Variants in PIGR observed in about 807,000 individuals in gnomAD.
The protein encoded by PIGR is hepatocellular carcinoma associated protein TB6.
PIGR carries 22 observed loss-of-function variants against 69.5 expected under a neutral mutation model. The ratio of observed to expected loss-of-function variants is 0.32; its 90% CI spans 0.23 to 0.45. PIGR has a LOEUF of 0.45. PIGR is among the 20% of genes least tolerant of loss of function. The probability of loss-of-function intolerance (pLI) is 1.00; values close to 1 mark genes in which losing one functional copy is unlikely to be tolerated. For missense variants in PIGR, 885 were observed against 974.0 expected (o/e 0.91, Z 1.22); for synonymous variants, 413 against 407.6 (o/e 1.01, Z -0.16).
chr1:206,940,879 C>G (rs1181720440), intron 1 of PIGR, among the ~76,000 whole-genome samples: 1 of 152,194 alleles, frequency 6.6e-6, no homozygotes, highest in African/African-American at 2.4e-5. Context: ...GACACAGTCC[C>G]AGGCACACCG....
intron 3 of PIGR, among the ~76,000 whole-genome samples, chr1:206,938,112 A>C (rs1345233226): frequency 1.3e-5 from 2 of 152,238 alleles, no homozygotes; most frequent in Non-Finnish European, 2.9e-5. Flanking sequence ...GCCTCTGGGT[A>C]GTAGGTGGCC....
At position 206,933,133 on chromosome 1, in the gene PIGR, G is replaced by C. The variant is rs291102; in HGVS notation, c.1739C>G (p.Ala580Gly). ...GTCTAGCACCTTCTCATCAGGAGCA[G>C]CGTCTGCCTTCGCTAGGCTGACATC... ...SRDVSLAKADAAPDEKVLDSG... is the reference protein window; with the variant it reads ...SRDVSLAKADGAPDEKVLDSG... The change falls in exon 7 of 11, where the codon GCT becomes GGT. Residue 580 changes from alanine to glycine, a missense_variant. Transcript: ENST00000356495. 6.2e-7 allele frequency: 1 copy of C among 1,613,890 alleles called. No individual in the cohort carries two copies. The highest frequency in any genetic ancestry group is 1.3e-5 in the African/African-American group (1 of 74,820).
In PIGR at chr1:206,936,197, G is replaced by T. The variant is rs1039012761; in HGVS notation, c.1046-379C>A. 3.9e-5 allele frequency among the ~76,000 whole-genome samples: 6 copies of T among 152,122 alleles called. No individual in the cohort carries two copies. The East Asian group carries it at 5.8e-4, about 15-fold the overall frequency. The stretch of plus-strand genomic sequence containing the variant: ...CTAACAAGTGTATTCCACAAAAGTG[G>T]CCCAATGGATTATGCCCAAATCAAG... On this transcript the variant is annotated intron_variant, in intron 4 of 10. Coordinates refer to ENST00000356495, the MANE Select transcript of PIGR (RefSeq NM_002644.4).
intron 1 of PIGR, among the ~76,000 whole-genome samples, chr1:206,942,328 G>A (rs1286466740): frequency 2.0e-5 from 3 of 152,220 alleles, no homozygotes; most frequent in South Asian, 2.1e-4. Flanking sequence ...CATCACCTGC[G>A]TGGGCACTGC....
In PIGR at chr1:206,932,444, C is replaced by T. The variant is rs1360887926; in HGVS notation, c.2008+12G>A. On this transcript the variant is annotated intron_variant, in intron 8 of 10. Coordinates refer to ENST00000356495, the MANE Select transcript of PIGR (RefSeq NM_002644.4). ...TTGGAGGTGGGAGGCAGGGAGTATCCCAGGGACTCACCGACGTTCTTCCTG... is the reference window on the plus strand; with the variant it reads ...TTGGAGGTGGGAGGCAGGGAGTATCTCAGGGACTCACCGACGTTCTTCCTG... The T allele has an allele frequency of 9.3e-6, 15 of 1,607,398 alleles. No individual in the cohort carries two copies. The highest frequency in any genetic ancestry group is 8.0e-5 in the African/African-American group (6 of 74,840).
At chr1:206,939,784 T>C (rs1679945020) in intron 2 of PIGR, among the ~76,000 whole-genome samples, 1 of 152,220 alleles carries the variant, frequency 6.6e-6, no homozygotes, top group Non-Finnish European at 1.5e-5. Flanking sequence ...TGGTGTGCAG[T>C]GGCACGATCT....
intron 1 of PIGR, among the ~76,000 whole-genome samples, chr1:206,944,736 G>A (rs1680068726): frequency 1.3e-5 from 2 of 152,198 alleles, no homozygotes; most frequent in Admixed American, 6.5e-5. Context: ...GGTCTCTGCT[G>A]AGCACAATGC....
rs1451665510 is a variant in PIGR at position 206,934,484 on chromosome 1, C to T, written c.1641G>A (p.Lys547=). 3 of 1,614,214 alleles carry T rather than the reference C, an allele frequency of 1.9e-6. No individual in the cohort carries two copies. Among genetic ancestry groups the T allele is most frequent in the Non-Finnish European group, 1.7e-6 (2 of 1,180,038 alleles). Residue 547 remains lysine (K), a synonymous_variant, in exon 6 of 11, where the codon AAG becomes AAA. Coordinates refer to ENST00000356495, the MANE Select transcript of PIGR (RefSeq NM_002644.4). ...CAGTCTCTCCATAGAAGTGGCCCTG[C>T]TTCACTCCACACCAGTACCAGCCCT... ...ADEGWYWCGV[K]QGHFYGETAA...
rs1163468109 is a variant in PIGR at position 206,930,709 on chromosome 1, G to A, written c.2200-296C>T. The A allele has an allele frequency of 3.0e-6, 3 of 985,240 alleles. No individual in the cohort carries two copies. Among genetic ancestry groups the A allele is most frequent in the Admixed American group, 6.2e-5 (1 of 16,258 alleles). The allele number at this position is 985,240 out of a possible 1,614,324, so 61.0% of individuals were successfully genotyped here. On this transcript the variant is annotated intron_variant, in intron 10 of 10. Transcript: ENST00000356495. The surrounding 1 kb of genome is among the most constrained non-coding windows in gnomAD (Gnocchi z 4.3). ...CCCGGAAGCTGCCCACACAGTCCAC[G>A]GGCAAGGTGGCCTAGGCTGGGGTCA...
chr1:206,930,642 C>G lies in PIGR; in HGVS notation c.2200-229G>C, dbSNP rs1020027027. Reference sequence around the variant, plus strand: ...TCTTCTTCTGTCTCACTACCTCCTTCTGACACACGGAGTGGAACCGCCTCT... The same window carrying G: ...TCTTCTTCTGTCTCACTACCTCCTTGTGACACACGGAGTGGAACCGCCTCT... On this transcript the variant is annotated intron_variant, in intron 10 of 10. Transcript: ENST00000356495. The surrounding 1 kb of genome is among the most constrained non-coding windows in gnomAD (Gnocchi z 4.3). The G allele has an allele frequency of 1.0e-6, 1 of 985,314 alleles. No individual in the cohort carries two copies. The highest frequency in any genetic ancestry group is 5.2e-4 in the Middle Eastern group (1 of 1,936). 61.0% of individuals were successfully genotyped at this position (985,314 alleles called of 1,614,324 possible). A position where few individuals can be genotyped will look rare whatever the true frequency, so the allele number is the denominator to read the frequency against.
chr1:206,936,771 C>T (rs554625805), intron 4 of PIGR, among the ~76,000 whole-genome samples: 1 of 152,290 alleles, frequency 6.6e-6, no homozygotes, highest in African/African-American at 2.4e-5. Flanking sequence ...CAGAGGACCC[C>T]TGCAGAGCCT....
Position 206,937,430 on chromosome 1 carries a change from A to G in PIGR, c.710T>C (p.Val237Ala), listed in dbSNP as rs771633064. The G allele has an allele frequency of 6.2e-7, 1 of 1,614,120 alleles. No individual in the cohort carries two copies. The highest frequency in any genetic ancestry group is 1.7e-5 in the Admixed American group (1 of 60,026). ...NSNKKNADLQ[V>A]LKPEPELVYE... ...AACCAGCTCGGGCTCGGGCTTTAGCACTTGGAGGTCAGCATTCTTCTTATT... is the reference window on the plus strand; with the variant it reads ...AACCAGCTCGGGCTCGGGCTTTAGCGCTTGGAGGTCAGCATTCTTCTTATT... The change falls in exon 4 of 11, where the codon GTG (valine) becomes GCG (alanine). Residue 237 changes from valine to alanine, a missense_variant. By Grantham distance (64) the Val-to-Ala change is moderately conservative. Transcript: ENST00000356495.
chr1:206,937,015 A>G (rs1679874809), intron 4 of PIGR, 80 bp downstream of exon 4: 1 of 1,288,832 alleles, frequency 7.8e-7, no homozygotes, highest in African/African-American at 1.5e-5. Context: ...ACTATTGATG[A>G]ATACACTCAG....
In PIGR at chr1:206,937,414, G is replaced by A. The variant is rs149277979; in HGVS notation, c.726C>T (p.Pro242=). The A allele has an allele frequency of 3.0e-4, 479 of 1,614,096 alleles. 3 individuals are homozygous for A. In the South Asian group the frequency reaches 3.4e-3, roughly 11 times the overall value. ...NADLQVLKPE[P]ELVYEDLRGS... ...CCCTCAGGTCTTCATAAACCAGCTCGGGCTCGGGCTTTAGCACTTGGAGGT... is the reference window on the plus strand; with the variant it reads ...CCCTCAGGTCTTCATAAACCAGCTCAGGCTCGGGCTTTAGCACTTGGAGGT... Residue 242 remains proline, a synonymous_variant, in exon 4 of 11, where the codon CCC becomes CCT. Transcript: ENST00000356495.
At position 206,941,038 on chromosome 1, in the gene PIGR, C is replaced by T. The variant is rs1399760049; in HGVS notation, c.-53-454G>A. 2.0e-5 allele frequency among the ~76,000 whole-genome samples: 3 copies of T among 152,182 alleles called. No individual in the cohort carries two copies. The East Asian group carries it at 5.8e-4, about 29-fold the overall frequency. ...GTTCAGATGAGGAAACTGAGACCCA[C>T]AGAGGAGGTGTCATGATTATTAAGG... On this transcript the variant is annotated intron_variant, in intron 1 of 10. Coordinates refer to ENST00000356495, the MANE Select transcript of PIGR (RefSeq NM_002644.4).
Position 206,937,633 on chromosome 1 carries a change from T to C in PIGR, c.507A>G (p.Ile169Met). The C allele has an allele frequency of 6.2e-7, 1 of 1,613,702 alleles. No homozygotes were observed. Among genetic ancestry groups the C allele is most frequent in the East Asian group, 2.2e-5 (1 of 44,886 alleles). The change falls in exon 4 of 11, where the codon ATA becomes ATG. Residue 169 changes from isoleucine to methionine, a missense_variant. Ile to Met is a conservative substitution (Grantham distance 10). Transcript: ENST00000356495. Reference protein sequence around the residue: ...AQKRKSLYKQIGLYPVLVIDS... With the variant: ...AQKRKSLYKQMGLYPVLVIDS... Reference sequence around the variant, plus strand: ...CGATGACCAGCACAGGGTACAGGCCTATCTGCTTGTACAAGGACTTCCTCT... The same window carrying C: ...CGATGACCAGCACAGGGTACAGGCCCATCTGCTTGTACAAGGACTTCCTCT...
intron 6 of PIGR, 27 bp downstream of exon 6, chr1:206,934,393 G>T (rs1197658875): frequency 2.5e-6 from 4 of 1,591,928 alleles, no homozygotes; most frequent in Non-Finnish European, 3.4e-6. Flanking sequence ...GGTCTGAGGG[G>T]TGCAGGCCCT....
In PIGR at chr1:206,928,988, C is replaced by T. The variant is rs569639802; in HGVS notation, c.*1330G>A. On this transcript the variant is annotated 3_prime_UTR_variant, in exon 11 of 11. Coordinates refer to ENST00000356495, the MANE Select transcript of PIGR (RefSeq NM_002644.4). ...GGCTCATGCCTATATAATCCCAGTA[C>T]TTTGAGAAGCTGAGGCGGCAGATCA... 1 of 147,572 alleles carries T rather than the reference C, an allele frequency of 6.8e-6. No homozygotes were observed. Among genetic ancestry groups the T allele is most frequent in the African/African-American group, 2.5e-5 (1 of 39,708 alleles). 9.1% of individuals were successfully genotyped at this position (147,572 alleles called of 1,614,324 possible).
rs750364969 is a variant in PIGR, at chr1:206,935,874, G to A, written c.1046-56C>T. ...GATGGCCACGCAGGAAGAGCCTTGC[G>A]TGGCCTGAGAAGCCTTCTTCCCGGG... On this transcript the variant is annotated intron_variant, in intron 4 of 10. Transcript: ENST00000356495. The surrounding 1 kb of genome is among the most constrained non-coding windows in gnomAD (Gnocchi z 4.4). 1.7e-5 allele frequency: 23 copies of A among 1,381,614 alleles called. No individual in the cohort carries two copies. The East Asian group carries it at 2.1e-4, about 12-fold the overall frequency. The allele number at this position is 1,381,614 out of a possible 1,614,324, so 85.6% of individuals were successfully genotyped here. A position where few individuals can be genotyped will look rare whatever the true frequency, so the allele number is the denominator to read the frequency against.
Sources: allele counts gnomAD v4.1 joint callset (sites outside exome capture counted in the v4.1 genomes callset), GRCh38; gene constraint gnomAD v4.1.1; non-coding constraint Gnocchi (gnomAD v3.1); transcripts MANE v1.5; gene names NCBI Gene and HGNC (gene_info 2026-07-23, HGNC 2026-07-21).